Variants in GALNTL6 observed in about 807,000 individuals in gnomAD.
GALNTL6 encodes the protein polypeptide N-acetylgalactosaminyltransferase like 6.
Under a neutral mutation model 73.7 loss-of-function variants are expected in GALNTL6, and 46 were observed. The ratio of observed to expected loss-of-function variants is 0.62; its 90% CI spans 0.49 to 0.80. The LOEUF is 0.80. Ranked by LOEUF, GALNTL6 falls within the 30% of genes least tolerant of loss-of-function variation. The pLI is 0.00. For missense variants in GALNTL6, 604 were observed against 755.0 expected, an observed-to-expected ratio of 0.80 and a Z score of 2.34; for synonymous variants, 259 against 263.7, an observed-to-expected ratio of 0.98 and a Z score of 0.17.
chr4:173,035,026 G>A (rs1753626892), intron 12 of GALNTL6, among the ~76,000 whole-genome samples: 1 of 151,336 alleles, frequency 6.6e-6, no homozygotes, highest in Non-Finnish European at 1.5e-5. Context: ...CTTAAATCTA[G>A]AACAACCTAA....
intron 3 of GALNTL6, among the ~76,000 whole-genome samples, chr4:172,262,847 G>T (rs1013227749): frequency 4.0e-5 from 6 of 151,488 alleles, no homozygotes; most frequent in African/African-American, 1.5e-4. Flanking sequence ...TTGTTTGTCT[G>T]AAAAAAGTTT....
At chr4:172,984,807 C>T (rs1222867260) in intron 10 of GALNTL6, among the ~76,000 whole-genome samples, 1 of 152,060 alleles carries the variant, frequency 6.6e-6, no homozygotes, top group Admixed American at 6.5e-5. Flanking sequence ...TAATAAAATT[C>T]TTTCAAAAAC....
At chr4:172,665,147 C>T (rs141558248) in intron 5 of GALNTL6, among the ~76,000 whole-genome samples, 1 of 152,302 alleles carries the variant, frequency 6.6e-6, no homozygotes, top group East Asian at 1.9e-4. Context: ...TCCCTTGCCA[C>T]CTACTAATCA....
chr4:172,247,436 C>G (rs1022680366), intron 3 of GALNTL6, among the ~76,000 whole-genome samples: 5 of 152,164 alleles, frequency 3.3e-5, no homozygotes, highest in Non-Finnish European at 5.9e-5. Context: ...ACAACTGATA[C>G]AAAGCTTGCA....
chr4:172,020,728 C>G (rs1741371478), intron 2 of GALNTL6, among the ~76,000 whole-genome samples: 1 of 151,898 alleles, frequency 6.6e-6, no homozygotes. Flanking sequence ...TTCTATCAAA[C>G]ATTTACAGAA....
At position 171,870,427 on chromosome 4, in the gene GALNTL6, C is replaced by T. The variant is rs77553333; in HGVS notation, c.138+55709C>T. Among the ~76,000 whole-genome samples, 227 of 152,294 alleles carry T rather than the reference C, an allele frequency of 1.5e-3. 1 individual carries two copies. The highest frequency in any genetic ancestry group is 9.9e-3 in the Admixed American group (152 of 15,294). ...CTTGATGACAAACTGCATTTATTTA[C>T]GTAGGACAAACATAAGCTCCTATCT... On this transcript the variant is annotated intron_variant, in intron 2 of 12. Coordinates refer to ENST00000506823, the MANE Select transcript of GALNTL6 (RefSeq NM_001034845.3).
At chr4:172,597,316 C>G (rs1411846548) in intron 5 of GALNTL6, among the ~76,000 whole-genome samples, 1 of 152,114 alleles carries the variant, frequency 6.6e-6, no homozygotes, top group African/African-American at 2.4e-5. Flanking sequence ...TGCATTCTAT[C>G]AAATTACTAT....
At chr4:172,561,215 T>G (rs1736348296) in intron 5 of GALNTL6, among the ~76,000 whole-genome samples, 1 of 130,500 alleles carries the variant, frequency 7.7e-6, no homozygotes, top group Non-Finnish European at 1.5e-5. Flanking sequence ...ATTGCGCCAC[T>G]GCAGTCCGCA....
intron 2 of GALNTL6, among the ~76,000 whole-genome samples, chr4:172,209,100 G>A (rs936384825): frequency 2.6e-5 from 4 of 151,940 alleles, no homozygotes; most frequent in African/African-American, 9.7e-5. Context: ...ACGTCTAATT[G>A]CAAAGAATAA....
chr4:172,519,233 G>GAT (rs964090530), intron 5 of GALNTL6, among the ~76,000 whole-genome samples: 3 of 150,180 alleles, frequency 2.0e-5, no homozygotes, highest in Non-Finnish European at 4.4e-5. Context: ...ATATATGTAA[G>GAT]ATATATTTAA....
At chr4:173,018,441 T>C (rs1293285124) in intron 11 of GALNTL6, among the ~76,000 whole-genome samples, 1 of 152,238 alleles carries the variant, frequency 6.6e-6, no homozygotes. Context: ...TGAGGATCTA[T>C]TGTGTGTCAT....
intron 2 of GALNTL6, among the ~76,000 whole-genome samples, chr4:172,057,042 TC>T (rs1194790436): frequency 6.6e-6 from 1 of 152,310 alleles, no homozygotes; most frequent in East Asian, 1.9e-4. Flanking sequence ...GTTACTTCAA[TC>T]TTTAAAAGAA....
intron 2 of GALNTL6, among the ~76,000 whole-genome samples, chr4:171,916,367 CA>C (rs1737633234): frequency 6.6e-6 from 1 of 152,062 alleles, no homozygotes; most frequent in Non-Finnish European, 1.5e-5. Context: ...TGACATAGTG[CA>C]AAGGCTTTCA....
At chr4:172,214,332 G>C (rs1343833631) in intron 2 of GALNTL6, among the ~76,000 whole-genome samples, 1 of 151,872 alleles carries the variant, frequency 6.6e-6, no homozygotes, top group Non-Finnish European at 1.5e-5. Context: ...CTATAAAATA[G>C]CTTGTCAGGA....
intron 5 of GALNTL6, among the ~76,000 whole-genome samples, chr4:172,617,403 C>CAA (rs34182269): frequency 1.5e-4 from 18 of 116,930 alleles, no homozygotes; most frequent in East Asian, 6.4e-4. Context: ...GAAAGACACT[C>CAA]AAAAAAAAAA....
intron 5 of GALNTL6, among the ~76,000 whole-genome samples, chr4:172,557,845 T>A (rs1018935599): frequency 2.0e-5 from 3 of 151,940 alleles, no homozygotes; most frequent in African/African-American, 7.3e-5. Context: ...GTGTTTTTTT[T>A]AAGATGTTAA....
intron 5 of GALNTL6, among the ~76,000 whole-genome samples, chr4:172,551,181 C>T (rs1244674792): frequency 1.3e-5 from 2 of 152,072 alleles, no homozygotes; most frequent in Non-Finnish European, 2.9e-5. Flanking sequence ...AGAAGACTTT[C>T]CTTACTTTGG....
chr4:171,985,274 C>T (rs1017531354), intron 2 of GALNTL6, among the ~76,000 whole-genome samples: 4 of 152,136 alleles, frequency 2.6e-5, no homozygotes, highest in African/African-American at 7.2e-5. Flanking sequence ...GTAAAAGACA[C>T]GTCTCACATG....
intron 2 of GALNTL6, among the ~76,000 whole-genome samples, chr4:172,104,453 A>G (rs974227625): frequency 6.6e-6 from 1 of 152,172 alleles, no homozygotes; most frequent in African/African-American, 2.4e-5. Flanking sequence ...TCAGAGGGAA[A>G]CAAGGTTGTA....
Sources: gnomAD v4.1 joint callset for allele counts (sites outside exome capture counted in the v4.1 genomes callset) on GRCh38, gnomAD v4.1.1 for gene constraint, MANE v1.5 for transcripts, NCBI Gene and HGNC (gene_info 2026-07-23, HGNC 2026-07-21) for gene names.